The following BRIP1 variants were observed in gnomAD, a reference collection of about 807,000 sequenced individuals.
BRIP1 encodes Fanconi anemia group J protein.
A neutral mutation model predicts 119.7 loss-of-function variants in BRIP1; 88 were observed. That is an observed-to-expected ratio of 0.74 (90% CI 0.62 to 0.88). The LOEUF is 0.88. Among genes scored for constraint, BRIP1 ranks in the 40% least tolerant of loss-of-function variants. The pLI is 0.00. For synonymous variants in BRIP1, 443 were observed against 496.5 expected (o/e 0.89, Z 1.43); for missense variants, 1,259 against 1,455.4 (o/e 0.87, Z 2.20).
rs369857875 is a variant in BRIP1, at chr17:61,740,774, A to T, written c.2379+2239T>A. 1.3e-5 allele frequency among the ~76,000 whole-genome samples: 2 copies of T among 152,170 alleles called. No homozygotes were observed. The highest frequency in any genetic ancestry group is 1.9e-4 in the East Asian group (1 of 5,198). ...CTTAACTTGAAAATATTTTATTGCTAAAAAAGGTGAATGATCATCTGAGCC... is the reference window on the plus strand; with the variant it reads ...CTTAACTTGAAAATATTTTATTGCTTAAAAAGGTGAATGATCATCTGAGCC... On this transcript the variant is annotated intron_variant, in intron 16 of 19. Transcript: ENST00000259008. This position sits in a 1 kb window ranked among gnomAD's most constrained non-coding sequence, Gnocchi z 5.4.
rs1277893289 is a variant in BRIP1, at chr17:61,808,161, T to C, written c.918+306A>G. ...CCATTTAAACACTTCTATCTCCTCA[T>C]ATGATATCATCCAAGTTTGACTATT... On this transcript the variant is annotated intron_variant, in intron 7 of 19. Transcript: ENST00000259008. The surrounding 1 kb of genome is among the most constrained non-coding windows in gnomAD (Gnocchi z 4.1). 6.6e-6 allele frequency among the ~76,000 whole-genome samples: 1 copy of C among 152,166 alleles called. No individual in the cohort carries two copies. The highest frequency in any genetic ancestry group is 2.4e-5 in the African/African-American group (1 of 41,438).
At chr17:61,728,205 C>G (rs770575358) in intron 16 of BRIP1, among the ~76,000 whole-genome samples, 39 of 151,490 alleles carry the variant, frequency 2.6e-4, no homozygotes, top group South Asian at 6.3e-4. Context: ...TGATTCAGAG[C>G]TTTTCAAATG....
chr17:61,684,035 C>T lies in BRIP1; in HGVS notation c.3011G>A (p.Ser1004Asn), dbSNP rs766562396. ...NKQTKRVSWS[S>N]FNSLGQYFTG... ...AAAATACTGTCCCAAAGAATTAAAGCTTGACCAGCTAACTCTCTTTGTTTG... is the reference window on the plus strand; with the variant it reads ...AAAATACTGTCCCAAAGAATTAAAGTTTGACCAGCTAACTCTCTTTGTTTG... Residue 1004 changes from serine (S) to asparagine (N), a missense_variant, in exon 20 of 20, where the codon AGC (serine) becomes AAC (asparagine). Coordinates refer to ENST00000259008, the MANE Select transcript of BRIP1 (RefSeq NM_032043.3). The surrounding 1 kb of genome is among the most constrained non-coding windows in gnomAD (Gnocchi z 4.5). 6.2e-7 allele frequency: 1 copy of T among 1,614,010 alleles called. No individual in the cohort carries two copies. Among genetic ancestry groups the T allele is most frequent in the South Asian group, 1.1e-5 (1 of 91,068 alleles).
Position 61,755,672 on chromosome 17 carries a change from C to CTA in BRIP1, c.2098-11083_2098-11082dup, listed in dbSNP as rs745787923. 1.1e-4 allele frequency among the ~76,000 whole-genome samples: 16 copies of CTA among 152,258 alleles called. No homozygotes were observed. The South Asian group carries it at 3.3e-3, about 32-fold the overall frequency. ...TAAAAGACATGAGCAAACAGACTAG[C>CTA]TAGACTAGACTAGTTTTCTCTTGGT... On this transcript the variant is annotated intron_variant, in intron 14 of 19. Coordinates refer to ENST00000259008, the MANE Select transcript of BRIP1 (RefSeq NM_032043.3). The surrounding 1 kb of genome is among the most constrained non-coding windows in gnomAD (Gnocchi z 4.5).
chr17:61,819,775 C>A (rs1428177887), intron 6 of BRIP1, among the ~76,000 whole-genome samples: 1 of 151,412 alleles, frequency 6.6e-6, no homozygotes, highest in African/African-American at 2.4e-5. Context: ...TTAATGGGAA[C>A]AAAAAAGTAG....
intron 14 of BRIP1, among the ~76,000 whole-genome samples, chr17:61,763,952 G>C (rs1353378028): frequency 1.3e-5 from 2 of 151,986 alleles, no homozygotes; most frequent in Admixed American, 1.3e-4. Flanking sequence ...ATATACATGA[G>C]GTATCAAATA....
rs201684296 is a variant in BRIP1, at chr17:61,730,702, G to GTATT, written c.2379+12307_2379+12310dup. ...GCAATATTTTCAGGCATGGCTTTAT[G>GTATT]TATTTATTTATTTATTTTTTGCTAA... On this transcript the variant is annotated intron_variant, in intron 16 of 19. Transcript: ENST00000259008. The surrounding 1 kb of genome is among the most constrained non-coding windows in gnomAD (Gnocchi z 4.3). Among the ~76,000 whole-genome samples the GTATT allele has an allele frequency of 5.6e-3, 855 of 152,178 alleles. 5 individuals carry two copies. The highest frequency in any genetic ancestry group is 0.019 in the African/African-American group (799 of 41,518).
At chr17:61,858,375 G>GCT (rs1555618114) in intron 3 of BRIP1, among the ~76,000 whole-genome samples, 8 of 141,816 alleles carry the variant, frequency 5.6e-5, no homozygotes, top group Admixed American at 3.5e-4. Context: ...AGTATTTACT[G>GCT]TTTTTTTTTT....
chr17:61,820,906 C>T (rs536975262), intron 6 of BRIP1, among the ~76,000 whole-genome samples: 10 of 151,432 alleles, frequency 6.6e-5, no homozygotes, highest in Non-Finnish European at 8.8e-5. Flanking sequence ...GCTGAGATCC[C>T]GCTATTGCAC....
At chr17:61,829,653 T>C (rs1370959824) in intron 6 of BRIP1, among the ~76,000 whole-genome samples, 3 of 152,174 alleles carry the variant, frequency 2.0e-5, no homozygotes, top group Non-Finnish European at 4.4e-5. Context: ...ACTGAAATCA[T>C]ATAGAATCTA....
intron 16 of BRIP1, among the ~76,000 whole-genome samples, chr17:61,727,792 A>C (rs11867852): frequency 0.25 from 28,481 of 113,486 alleles, 2,828 homozygotes; most frequent in Middle Eastern, 0.39. Flanking sequence ...CTCTCTCTCT[A>C]TATATATATA....
rs1016280202 is a variant in BRIP1, at chr17:61,736,212, T to C, written c.2379+6801A>G. 1.3e-5 allele frequency among the ~76,000 whole-genome samples: 2 copies of C among 150,828 alleles called. No homozygotes were observed. The highest frequency in any genetic ancestry group is 3.0e-5 in the Non-Finnish European group (2 of 67,728). On this transcript the variant is annotated intron_variant, in intron 16 of 19. Transcript: ENST00000259008. The surrounding 1 kb of genome is among the most constrained non-coding windows in gnomAD (Gnocchi z 4.4). ...GTGTGGTGGCACATGCCTACAGTCC[T>C]AGCTACCCAGGAGACTGAGGCAGGA...
chr17:61,714,287 C>A (rs909912619), intron 17 of BRIP1, among the ~76,000 whole-genome samples: 1 of 152,194 alleles, frequency 6.6e-6, no homozygotes, highest in Non-Finnish European at 1.5e-5. Context: ...CACATTCACT[C>A]ACTACTTGAT....
intron 16 of BRIP1, among the ~76,000 whole-genome samples, chr17:61,727,044 A>C (rs2076774322): frequency 1.3e-5 from 2 of 152,224 alleles, no homozygotes; most frequent in Non-Finnish European, 2.9e-5. Context: ...AGGTTCTTAA[A>C]GGAATGAGTC....
rs776431815 is a variant in BRIP1, at chr17:61,724,946, G to A, written c.2380-8883C>T. ...GTGCATTAGAGACATTTGCTGCTCC[G>A]TATCATCATAGTGTAAACACTTCTA... On this transcript the variant is annotated intron_variant, in intron 16 of 19. Transcript: ENST00000259008. This position sits in a 1 kb window ranked among gnomAD's most constrained non-coding sequence, Gnocchi z 5.1. Among the ~76,000 whole-genome samples the A allele has an allele frequency of 3.9e-5, 6 of 152,104 alleles. No homozygotes were observed. Among genetic ancestry groups the A allele is most frequent in the East Asian group, 1.9e-4 (1 of 5,192 alleles).
Position 61,742,626 on chromosome 17 carries a change from A to C in BRIP1, c.2379+387T>G, listed in dbSNP as rs758306955. On this transcript the variant is annotated intron_variant, in intron 16 of 19. Coordinates refer to ENST00000259008, the MANE Select transcript of BRIP1 (RefSeq NM_032043.3). This position sits in a 1 kb window ranked among gnomAD's most constrained non-coding sequence, Gnocchi z 4.7. ...AGTCCCAAGGAGAGAGAAATGGGGG[A>C]AGGGTAGTCAGTGGAGCAGTTAGAA... is the stretch of plus-strand genomic sequence containing the variant. 3.9e-5 allele frequency among the ~76,000 whole-genome samples: 6 copies of C among 152,100 alleles called. No homozygotes were observed. The highest frequency in any genetic ancestry group is 1.4e-4 in the African/African-American group (6 of 41,410).
intron 4 of BRIP1, among the ~76,000 whole-genome samples, chr17:61,854,651 G>C (rs1318060503): frequency 6.9e-6 from 1 of 144,650 alleles, no homozygotes; most frequent in Admixed American, 7.0e-5. Context: ...AGGTTGCAGT[G>C]AGCTGAGATT....
Position 61,679,209 on chromosome 17 carries a change from G to T in BRIP1, c.*4087C>A, listed in dbSNP as rs1351059905. On this transcript the variant is annotated 3_prime_UTR_variant, in exon 20 of 20. Transcript: ENST00000259008. This position sits in a 1 kb window ranked among gnomAD's most constrained non-coding sequence, Gnocchi z 4.4. ...AGTTGCAGAAAAATAACGGGGAAAA[G>T]CTTTTTGTTAAAATTAATGTTTTGA... Among the ~76,000 whole-genome samples the T allele has an allele frequency of 1.3e-5, 2 of 152,106 alleles. No individual in the cohort carries two copies. The highest frequency in any genetic ancestry group is 2.4e-5 in the African/African-American group (1 of 41,428).
intron 14 of BRIP1, among the ~76,000 whole-genome samples, chr17:61,773,592 A>G (rs888172431): frequency 2.0e-5 from 3 of 152,158 alleles, no homozygotes; most frequent in Non-Finnish European, 4.4e-5. Flanking sequence ...GCTTCAGTAC[A>G]GCAAAAGAAA....
Sources: allele counts gnomAD v4.1 joint callset (sites outside exome capture counted in the v4.1 genomes callset), GRCh38; gene constraint gnomAD v4.1.1; non-coding constraint Gnocchi (gnomAD v3.1); transcripts MANE v1.5; gene names NCBI Gene and HGNC (gene_info 2026-07-23, HGNC 2026-07-21).